Variants in NUP210L observed in about 807,000 individuals in gnomAD.
The protein encoded by NUP210L is nucleoporin 210 like, also known as nuclear pore membrane glycoprotein 210-like.
NUP210L carries 74 observed loss-of-function variants against 208.5 expected under a neutral mutation model. That is an observed-to-expected ratio of 0.35 (90% CI 0.29 to 0.43). NUP210L has a LOEUF of 0.43. Among genes scored for constraint, NUP210L ranks in the 20% least tolerant of loss-of-function variants. The pLI is 1.00. For missense variants in NUP210L, 1,843 were observed against 2,289.4 expected (o/e 0.81, Z 3.98); for synonymous variants, 780 against 816.9 (o/e 0.95, Z 0.77).
intron 1 of NUP210L, 136 bp from the exon 2 acceptor site, chr1:154,153,008 T>G: frequency 1.5e-6 from 1 of 677,494 alleles, no homozygotes; most frequent in Non-Finnish European, 2.5e-6. Flanking sequence ...GAAGGAACAT[T>G]GCTTAGGGAT....
At chr1:154,128,064 A>G (rs1658071362) in intron 8 of NUP210L, among the ~76,000 whole-genome samples, 1 of 151,606 alleles carries the variant, frequency 6.6e-6, no homozygotes. Context: ...GGGTTTCATC[A>G]TGTTGCCCAC....
At chr1:153,995,028 A>AT in intron 38 of NUP210L, 48 bp downstream of exon 38, 10 of 1,132,216 alleles carry the variant, frequency 8.8e-6, no homozygotes, top group Non-Finnish European at 1.3e-5. Flanking sequence ...AAAAAAAAAA[A>AT]GGCAGTTTTC....
chr1:153,993,195 G>A (rs1211222674), intron 38 of NUP210L, 106 bp from the exon 39 acceptor site: 2 of 689,352 alleles, frequency 2.9e-6, no homozygotes, highest in Non-Finnish European at 2.4e-6. Context: ...TTAAAAATAA[G>A]TAATAGTAAT....
At chr1:154,054,275 T>C (rs1331019721) in exon 25 of NUP210L, 1 of 1,614,210 alleles carries the variant, frequency 6.2e-7, no homozygotes, top group East Asian at 2.2e-5. Flanking sequence ...ACTGTCTGGA[T>C]GGTGCCATGA....
intron 27 of NUP210L, among the ~76,000 whole-genome samples, chr1:154,042,952 C>T (rs7526558): frequency 0.3 from 40,534 of 137,286 alleles, 5,809 homozygotes; most frequent in Admixed American, 0.4. Flanking sequence ...GCTCAAGTGA[C>T]GCACCCACCT....
intron 1 of NUP210L, among the ~76,000 whole-genome samples, chr1:154,154,536 C>T (rs1659590009): frequency 6.6e-6 from 1 of 152,162 alleles, no homozygotes. Context: ...TTTACCCTGA[C>T]GGCTGCTCAT....
intron 2 of NUP210L, among the ~76,000 whole-genome samples, chr1:154,151,068 A>C (rs1659356956): frequency 1.3e-5 from 2 of 152,088 alleles, no homozygotes; most frequent in African/African-American, 4.8e-5. Context: ...TTAAGCTGAG[A>C]GCAAGATTTG....
At chr1:154,036,333 TG>T (rs1652543841) in intron 27 of NUP210L, among the ~76,000 whole-genome samples, 1 of 134,926 alleles carries the variant, frequency 7.4e-6, no homozygotes, top group Non-Finnish European at 1.7e-5. Flanking sequence ...TGTGTGTGTG[TG>T]TGTGTGTGTG....
intron 10 of NUP210L, among the ~76,000 whole-genome samples, chr1:154,125,970 G>A (rs1253354443): frequency 6.7e-6 from 1 of 149,886 alleles, no homozygotes; most frequent in African/African-American, 2.4e-5. Flanking sequence ...GGGTTTCACC[G>A]TTTTAGCCGG....
chr1:154,069,060 G>C (rs1319945127), intron 17 of NUP210L, among the ~76,000 whole-genome samples: 1 of 152,122 alleles, frequency 6.6e-6, no homozygotes, highest in Non-Finnish European at 1.5e-5. Context: ...ATGGATTAAA[G>C]ACTTAAATGT....
At position 154,006,967 on chromosome 1, in the gene NUP210L, T is replaced by TATATATATATATATATA. The variant is rs57242105; in HGVS notation, c.4930+3004_4930+3005insTATATATATATATATAT. Among the ~76,000 whole-genome samples the TATATATATATATATATA allele has an allele frequency of 3.2e-5, 3 of 94,884 alleles. No individual in the cohort carries two copies. In the South Asian group the frequency reaches 1.1e-3, roughly 34 times the overall value. 62.2% of individuals were successfully genotyped at this position (94,884 alleles called of 152,430 possible). A position where few individuals can be genotyped will look rare whatever the true frequency, so the allele number is the denominator to read the frequency against. ...GTGTGTATATATATATATATATATA[T>TATATATATATATATATA]TTTTTTTTTTTTTTTAAATGGAGTT... On this transcript the variant is annotated intron_variant, in intron 35 of 39. Coordinates refer to ENST00000368559, the Ensembl canonical transcript of NUP210L.
At position 154,053,730 on chromosome 1, in the gene NUP210L, A is replaced by T. The variant is rs548919001; in HGVS notation, c.3483+498T>A. On this transcript the variant is annotated intron_variant, in intron 25 of 39. Transcript: ENST00000368559. ...TTTTAGTTAATCTATAATCTATAGA[A>T]ACAATGCTTATCACTGGCTTGCTGT... Among the ~76,000 whole-genome samples the T allele has an allele frequency of 7.9e-5, 12 of 152,344 alleles. No homozygotes were observed. The South Asian group carries it at 2.5e-3, about 32-fold the overall frequency.
intron 33 of NUP210L, among the ~76,000 whole-genome samples, chr1:154,014,936 G>A (rs10796986): frequency 0.28 from 42,163 of 152,042 alleles, 6,285 homozygotes; most frequent in Admixed American, 0.39. Context: ...CCTGGAAGGT[G>A]GAGGTTGCAG....
At chr1:154,117,938 A>C in intron 11 of NUP210L, 58 bp from the exon 12 acceptor site, 1 of 1,249,974 alleles carries the variant, frequency 8.0e-7, no homozygotes, top group Non-Finnish European at 1.1e-6. Context: ...TTTAAGTGAA[A>C]ATGTAAAACT....
exon 1 of NUP210L, chr1:154,155,054 C>A: frequency 6.3e-7 from 1 of 1,590,774 alleles, no homozygotes; most frequent in South Asian, 1.1e-5. Flanking sequence ...TGGCGACTGC[C>A]AGGTCTCGGG....
At position 154,002,925 on chromosome 1, in the gene NUP210L, T is replaced by C. The variant is rs375451104; in HGVS notation, c.4931-940A>G. On this transcript the variant is annotated intron_variant, in intron 35 of 39. Transcript: ENST00000368559. ...AGCTTTGAGCATCATTAATAACTTA[T>C]GTATCAGACCACCTCTTGGTGTCAT... Among the ~76,000 whole-genome samples the C allele has an allele frequency of 1.8e-3, 271 of 152,100 alleles. 1 individual carries two copies. Among genetic ancestry groups the C allele is most frequent in the African/African-American group, 6.4e-3 (265 of 41,540 alleles).
At chr1:154,126,536 A>C (rs1657990158) in intron 9 of NUP210L, 73 bp from the exon 10 acceptor site, 2 of 1,351,240 alleles carry the variant, frequency 1.5e-6, no homozygotes, top group Non-Finnish European at 2.0e-6. Context: ...ATCCCAAAGC[A>C]TCTATAAAAC....
At chr1:154,152,613 G>A in intron 2 of NUP210L, 123 bp downstream of exon 2, 1 of 866,118 alleles carries the variant, frequency 1.2e-6, no homozygotes. Flanking sequence ...CAGCCAGCTA[G>A]GAATCATTTA....
chr1:154,116,776 T>C (rs943287406), intron 12 of NUP210L, among the ~76,000 whole-genome samples: 1 of 152,020 alleles, frequency 6.6e-6, no homozygotes, highest in African/African-American at 2.4e-5. Context: ...TTACATAATA[T>C]ACTAAAAAAG....
Sources: gnomAD v4.1 joint callset for allele counts (sites outside exome capture counted in the v4.1 genomes callset) on GRCh38, gnomAD v4.1.1 for gene constraint, MANE v1.5 for transcripts, NCBI Gene and HGNC (gene_info 2026-07-23, HGNC 2026-07-21) for gene names.